The following ARHGEF12 variants were observed in gnomAD, a reference collection of about 807,000 sequenced individuals.
ARHGEF12 encodes the protein Rho guanine nucleotide exchange factor 12.
A neutral mutation model predicts 211.2 loss-of-function variants in ARHGEF12; 66 were observed. That is an observed-to-expected ratio of 0.31 (90% CI 0.26 to 0.38). ARHGEF12 has a LOEUF of 0.38. ARHGEF12 is among the 10% of genes least tolerant of loss of function. ARHGEF12 has a pLI of 1.00. For synonymous variants in ARHGEF12, 592 were observed against 638.4 expected (o/e 0.93, Z 1.09); for missense variants, 1,429 against 1,869.5 (o/e 0.76, Z 4.34).
intron 12 of ARHGEF12, chr11:120,439,750 A>G (rs1945812057): frequency 6.4e-6 from 1 of 156,638 alleles, no homozygotes; most frequent in Non-Finnish European, 1.4e-5. Flanking sequence ...GTAACCATTT[A>G]TGTAAGCCAA....
chr11:120,372,735 G>C (rs1444639478), intron 1 of ARHGEF12, among the ~76,000 whole-genome samples: 1 of 152,010 alleles, frequency 6.6e-6, no homozygotes, highest in Non-Finnish European at 1.5e-5. Context: ...TCAGATCCAG[G>C]CTCTACCATT....
chr11:120,406,597 T>C (rs1319911218), intron 2 of ARHGEF12, among the ~76,000 whole-genome samples: 1 of 152,194 alleles, frequency 6.6e-6, no homozygotes, highest in Non-Finnish European at 1.5e-5. Flanking sequence ...CTCACTCTGT[T>C]GCCCAGCCTG....
intron 4 of ARHGEF12, chr11:120,409,683 T>C (rs1319295982): frequency 2.4e-6 from 1 of 411,456 alleles, no homozygotes; most frequent in East Asian, 3.8e-5. Context: ...GTAGGCCACA[T>C]TGCCCATCTT....
intron 1 of ARHGEF12, among the ~76,000 whole-genome samples, chr11:120,402,768 A>G (rs1944579323): frequency 6.6e-6 from 1 of 152,216 alleles, no homozygotes; most frequent in Non-Finnish European, 1.5e-5. Context: ...TATTGTCAAA[A>G]GGCTCTTTAT....
chr11:120,365,957 C>G (rs552629205), intron 1 of ARHGEF12: 1 of 152,184 alleles, frequency 6.6e-6, no homozygotes, highest in African/African-American at 2.4e-5. Context: ...AGAAAAGGTT[C>G]CATTAAAAAC....
chr11:120,346,069 C>T (rs766594258), intron 1 of ARHGEF12, among the ~76,000 whole-genome samples: 18 of 152,262 alleles, frequency 1.2e-4, no homozygotes, highest in South Asian at 2.1e-4. Flanking sequence ...TTCCTACACA[C>T]CTGTTAGTTT....
In ARHGEF12 at chr11:120,484,347, G is replaced by A. The variant is rs1476890166; in HGVS notation, c.4555-91G>A. ...AAATTTGGGGGCTTGTACCTGTAATGTAAAAAGGGCTTCTTTTCTGTTTTC... is the reference window on the plus strand; with the variant it reads ...AAATTTGGGGGCTTGTACCTGTAATATAAAAAGGGCTTCTTTTCTGTTTTC... On this transcript the variant is annotated intron_variant, in intron 39 of 40. Transcript: ENST00000397843. 5.1e-6 allele frequency: 6 copies of A among 1,179,586 alleles called. No individual in the cohort carries two copies. In the African/African-American group the frequency reaches 9.3e-5, roughly 18 times the overall value. 73.1% of individuals were successfully genotyped at this position (1,179,586 alleles called of 1,614,324 possible).
chr11:120,471,414 A>G (rs758560295), intron 30 of ARHGEF12, among the ~76,000 whole-genome samples: 1 of 152,190 alleles, frequency 6.6e-6, no homozygotes, highest in South Asian at 2.1e-4. Context: ...AAACTATTCT[A>G]TGGTAGGAAA....
chr11:120,421,426 CTTGTTTTTTTTTT>C (rs1295993091), intron 5 of ARHGEF12, among the ~76,000 whole-genome samples: 2 of 136,918 alleles, frequency 1.5e-5, no homozygotes, highest in South Asian at 2.7e-4. Flanking sequence ...ACTTTACAGC[CTTGTTTTTTTTTT>C]TTGTTTTTTT....
intron 1 of ARHGEF12, among the ~76,000 whole-genome samples, chr11:120,372,622 A>G (rs765722509): frequency 2.6e-5 from 4 of 152,042 alleles, no homozygotes; most frequent in African/African-American, 9.7e-5. Context: ...CTTATTTTTT[A>G]TATGGTAAGG....
intron 2 of ARHGEF12, 85 bp downstream of exon 2, chr11:120,406,226 G>T (rs868853417): frequency 9.7e-7 from 1 of 1,025,676 alleles, no homozygotes. Context: ...GTGGATTTTT[G>T]TGGTTTTTGA....
intron 15 of ARHGEF12, among the ~76,000 whole-genome samples, chr11:120,443,604 A>T (rs1945950117): frequency 6.6e-6 from 1 of 152,136 alleles, no homozygotes; most frequent in Non-Finnish European, 1.5e-5. Flanking sequence ...TTACCTACTC[A>T]GTGACTTTCC....
At chr11:120,352,628 T>C (rs763374658) in intron 1 of ARHGEF12, among the ~76,000 whole-genome samples, 11 of 152,142 alleles carry the variant, frequency 7.2e-5, no homozygotes. Flanking sequence ...CTTTTCGCCG[T>C]GTGGGTGGGG....
chr11:120,417,351 C>T (rs11217861), intron 4 of ARHGEF12, among the ~76,000 whole-genome samples: 24,028 of 151,968 alleles, frequency 0.16, 2,549 homozygotes, highest in Non-Finnish European at 0.23. Flanking sequence ...TATGAAAAAA[C>T]GTATTCAGTG....
At chr11:120,399,199 G>A (rs909974568) in intron 1 of ARHGEF12, among the ~76,000 whole-genome samples, 1 of 150,734 alleles carries the variant, frequency 6.6e-6, no homozygotes, top group African/African-American at 2.4e-5. Flanking sequence ...ATGCTCCTGT[G>A]GTCCTACCTA....
At chr11:120,457,970 T>A in intron 24 of ARHGEF12, 110 bp from the exon 25 acceptor site, 1 of 1,332,436 alleles carries the variant, frequency 7.5e-7, no homozygotes, top group Non-Finnish European at 1.0e-6. Flanking sequence ...ATTTCAGTGC[T>A]AAGTCAGATT....
In ARHGEF12 at chr11:120,457,772, G is replaced by A. The variant is rs771416185; in HGVS notation, c.2225+16G>A. On this transcript the variant is annotated intron_variant, in intron 24 of 40. Transcript: ENST00000397843. ...CCTTTCGAAAGTAAGTAAATCTTAA[G>A]CAGCTTTCAATAAAGGCGCATTTTA... 8 of 1,606,960 alleles carry A rather than the reference G, an allele frequency of 5.0e-6. No homozygotes were observed. The highest frequency in any genetic ancestry group is 6.8e-6 in the Non-Finnish European group (8 of 1,176,858).
At chr11:120,380,974 T>G (rs144079905) in intron 1 of ARHGEF12, among the ~76,000 whole-genome samples, 1 of 152,344 alleles carries the variant, frequency 6.6e-6, no homozygotes, top group Non-Finnish European at 1.5e-5. Context: ...CCCTATCCTT[T>G]TGTTTTTTGA....
intron 1 of ARHGEF12, among the ~76,000 whole-genome samples, chr11:120,345,895 C>T (rs546414789): frequency 1.3e-5 from 2 of 151,972 alleles, no homozygotes; most frequent in South Asian, 2.1e-4. Context: ...AAGTAATTAT[C>T]GGTAGCCTTA....
Sources: allele counts gnomAD v4.1 joint callset (sites outside exome capture counted in the v4.1 genomes callset), GRCh38; gene constraint gnomAD v4.1.1; transcripts MANE v1.5; gene names NCBI Gene and HGNC (gene_info 2026-07-23, HGNC 2026-07-21).